The following CDHR2 variants were observed in gnomAD, a reference collection of about 807,000 sequenced individuals.
CDHR2 encodes cadherin-related family member 2.
CDHR2 carries 104 observed loss-of-function variants against 138.6 expected under a neutral mutation model. That is an observed-to-expected ratio of 0.75 (90% CI 0.64 to 0.88). The LOEUF (loss-of-function observed/expected upper bound fraction) is 0.88. CDHR2 is among the 40% of genes least tolerant of loss of function. CDHR2 has a pLI of 0.00. For synonymous variants in CDHR2, 755 were observed against 742.8 expected (o/e 1.02, Z -0.27); for missense variants, 1,624 against 1,727.6 (o/e 0.94, Z 1.06).
rs767264492 is a variant in CDHR2 at position 176,584,894 on chromosome 5, C to T, written c.2613C>T (p.Asn871=). ...GGGGCTGGTTCTCAGTGGCGGCCAACGGCTCTGTGTACATCAACCAGAGCA... is the reference window on the plus strand; with the variant it reads ...GGGGCTGGTTCTCAGTGGCGGCCAATGGCTCTGTGTACATCAACCAGAGCA... The part of the protein sequence containing the change: ...LCWGWFSVAA[N]GSVYINQSKA... Residue 871 remains asparagine, a synonymous_variant, in exon 19 of 32, where the codon AAC becomes AAT. Transcript: ENST00000261944. 3.0e-5 allele frequency: 49 copies of T among 1,613,388 alleles called. No homozygotes were observed. In the African/African-American group the frequency reaches 3.1e-4, roughly 10 times the overall value.
Position 176,589,163 on chromosome 5 carries a change from G to T in CDHR2, c.2989G>T (p.Val997Leu). Residue 997 changes from valine to leucine, a missense_variant, in exon 22 of 32, where the codon GTG becomes TTG. Physicochemically the swap from Val to Leu is conservative, Grantham distance 32. Transcript: ENST00000261944. The part of the protein sequence containing the change: ...FSIFTSSEAD[V>L]FAGSIQPVTS... ...GATCTTCACCTCCTCCGAGGCCGAC[G>T]TGTTCGCTGGGAGCATTCAGTAACT... 1 of 1,614,150 alleles carries T rather than the reference G, an allele frequency of 6.2e-7. No homozygotes were observed.
Position 176,565,703 on chromosome 5 carries a change from C to T in CDHR2, c.84C>T (p.Ala28=). ...VAANVAPKFL[A]NMTSVILPED... ...CCAACGTGGCCCCGAAGTTCCTAGC[C>T]AACATGACGTCAGTGATCCTGCCTG... The change falls in exon 3 of 32, where the codon GCC becomes GCT. Residue 28 remains alanine, a synonymous_variant. Transcript: ENST00000261944. 1 of 1,613,988 alleles carries T rather than the reference C, an allele frequency of 6.2e-7. No homozygotes were observed. The highest frequency in any genetic ancestry group is 8.5e-7 in the Non-Finnish European group (1 of 1,179,950).
intron 5 of CDHR2, among the ~76,000 whole-genome samples, chr5:176,570,998 T>A (rs563529282): frequency 8.6e-6 from 1 of 115,756 alleles, no homozygotes; most frequent in African/African-American, 3.5e-5. Flanking sequence ...TACTTTCAAA[T>A]GGTTCAGAAA....
intron 3 of CDHR2, 52 bp from the exon 4 acceptor site, chr5:176,568,626 C>A: frequency 6.3e-7 from 1 of 1,599,560 alleles, no homozygotes; most frequent in South Asian, 1.1e-5. Context: ...TTGGCCAGAC[C>A]AGCACTGAAA....
chr5:176,591,250 G>A lies in CDHR2; in HGVS notation c.3580G>A (p.Ala1194Thr), dbSNP rs757718643. ...TCAAGCTATGAAGGCTGCCAAGGAG[G>A]CCAGGAAGACAGCAGCAGGGGTGAT... ...KLQAMKAAKE[A>T]RKTAAGVMPS... The change falls in exon 29 of 32, where the codon GCC (alanine) becomes ACC (threonine). Residue 1194 changes from alanine to threonine, a missense_variant. Around this residue, in one of 3 missense-constraint regions of CDHR2, gnomAD observed 556 missense variants for 565.7 expected, o/e 0.98. Coordinates refer to ENST00000261944, the MANE Select transcript of CDHR2 (RefSeq NM_017675.6). The A allele has an allele frequency of 1.2e-6, 2 of 1,613,998 alleles. No homozygotes were observed. Among genetic ancestry groups the A allele is most frequent in the Non-Finnish European group, 1.7e-6 (2 of 1,180,022 alleles).
intron 16 of CDHR2, among the ~76,000 whole-genome samples, chr5:176,579,509 T>C (rs1365996376): frequency 6.6e-6 from 1 of 152,138 alleles, no homozygotes; most frequent in Non-Finnish European, 1.5e-5. Flanking sequence ...TGTGAGCTCC[T>C]TGGGGCAGGA....
At chr5:176,551,873 T>A (rs1757713569) in intron 1 of CDHR2, among the ~76,000 whole-genome samples, 1 of 77,352 alleles carries the variant, frequency 1.3e-5, no homozygotes, top group African/African-American at 4.8e-5. Flanking sequence ...GGCTAATATT[T>A]TTTTTTTTTT....
chr5:176,588,121 GA>G (rs1346782015), intron 21 of CDHR2, among the ~76,000 whole-genome samples: 2 of 152,196 alleles, frequency 1.3e-5, no homozygotes, highest in Non-Finnish European at 2.9e-5. Context: ...TCTACTAGGG[GA>G]ATTGGTACTC....
At chr5:176,557,061 G>GCTC (rs1343986222) in intron 1 of CDHR2, among the ~76,000 whole-genome samples, 1 of 148,848 alleles carries the variant, frequency 6.7e-6, no homozygotes, top group East Asian at 2.0e-4. Context: ...GTTGCCCAAG[G>GCTC]CTGGAGTGCA....
At chr5:176,547,828 T>A (rs1757619253), upstream of CDHR2, 1 of 152,264 alleles carries the variant, frequency 6.6e-6, no homozygotes, top group Admixed American at 6.5e-5. Flanking sequence ...GCTGGTGGCG[T>A]ATAAATTTTG....
chr5:176,563,499 A>C (rs1014928063), intron 1 of CDHR2, among the ~76,000 whole-genome samples: 2 of 152,104 alleles, frequency 1.3e-5, no homozygotes, highest in Admixed American at 1.3e-4. Context: ...AGAAAAAAAA[A>C]ACCCTCATGG....
At chr5:176,554,420 G>A (rs1031912261) in intron 1 of CDHR2, among the ~76,000 whole-genome samples, 4 of 152,302 alleles carry the variant, frequency 2.6e-5, no homozygotes, top group African/African-American at 9.6e-5. Context: ...TGTGCCAGGC[G>A]CTGAGGTGGC....
At chr5:176,555,431 C>T (rs764975462) in intron 1 of CDHR2, among the ~76,000 whole-genome samples, 5 of 152,224 alleles carry the variant, frequency 3.3e-5, no homozygotes, top group East Asian at 1.9e-4. Flanking sequence ...CCTGTTTGCT[C>T]ATCTGCAAAA....
chr5:176,575,928 T>C, intron 11 of CDHR2, 24 bp from the exon 12 acceptor site: 1 of 1,600,810 alleles, frequency 6.2e-7, no homozygotes, highest in Non-Finnish European at 8.5e-7. Context: ...CTCTCTGCCC[T>C]CTGCCCTCTG....
chr5:176,558,124 C>T (rs145288988), intron 1 of CDHR2, among the ~76,000 whole-genome samples: 2,363 of 152,254 alleles, frequency 0.016, 57 homozygotes, highest in African/African-American at 0.053. Flanking sequence ...ACCCCCTGAG[C>T]CACTGGCGTA....
chr5:176,573,847 G>A lies in CDHR2; in HGVS notation c.406-236G>A, dbSNP rs533858535. 5.3e-5 allele frequency among the ~76,000 whole-genome samples: 8 copies of A among 152,232 alleles called. No individual in the cohort carries two copies. In the South Asian group the frequency reaches 1.0e-3, roughly 20 times the overall value. On this transcript the variant is annotated intron_variant, in intron 6 of 31. Coordinates refer to ENST00000261944, the MANE Select transcript of CDHR2 (RefSeq NM_017675.6). ...CCTCATCCTGGTTCTGAGGGGCTCC[G>A]ACAATCAGAAGCCAGCTTAGGTGGT...
rs780531242 is a variant in CDHR2 at position 176,589,311 on chromosome 5, C to A, written c.3009-19C>A. 4 of 1,554,560 alleles carry A rather than the reference C, an allele frequency of 2.6e-6. No homozygotes were observed. The highest frequency in any genetic ancestry group is 3.5e-6 in the Non-Finnish European group (4 of 1,149,246). On this transcript the variant is annotated intron_variant, in intron 22 of 31. Coordinates refer to ENST00000261944, the MANE Select transcript of CDHR2 (RefSeq NM_017675.6). ...CAGCTTGGGTTCCAAGACTGACCTG[C>A]GCCTCCCGCCTTCCGCAGGCCGGTG...
chr5:176,590,594 C>G lies in CDHR2; in HGVS notation c.3446C>G (p.Ser1149Trp). 1 of 1,613,984 alleles carries G rather than the reference C, an allele frequency of 6.2e-7. No homozygotes were observed. The highest frequency in any genetic ancestry group is 8.5e-7 in the Non-Finnish European group (1 of 1,179,996). Residue 1149 changes from serine (S) to tryptophan (W), a missense_variant, in exon 28 of 32, where the codon TCG becomes TGG. Coordinates refer to ENST00000261944, the MANE Select transcript of CDHR2 (RefSeq NM_017675.6). ...GSQESQESDL[S>W]KQLISVIIGL... is the part of the protein sequence containing the mutation. ...CAGGAGAGCCAGGAGTCAGACCTGT[C>G]GAAACAGCTCATCAGTGTCATCATA...
intron 1 of CDHR2, among the ~76,000 whole-genome samples, chr5:176,556,031 T>A (rs1443609331): frequency 6.6e-6 from 1 of 152,150 alleles, no homozygotes; most frequent in Non-Finnish European, 1.5e-5. Context: ...TCAACCTGCC[T>A]CCCTCCCATG....
Sources: allele counts gnomAD v4.1 joint callset (sites outside exome capture counted in the v4.1 genomes callset), GRCh38; gene constraint gnomAD v4.1.1; regional missense constraint gnomAD v4.1.1; transcripts MANE v1.5; gene names NCBI Gene and HGNC (gene_info 2026-07-23, HGNC 2026-07-21).